The following LRRTM4 variants were observed in gnomAD, a reference collection of about 807,000 sequenced individuals.
LRRTM4 encodes the protein leucine-rich repeat transmembrane neuronal protein 4.
Under a neutral mutation model 47.6 loss-of-function variants are expected in LRRTM4, and 25 were observed. The observed-to-expected ratio is 0.53, with a 90% CI of 0.38 to 0.73. The LOEUF (loss-of-function observed/expected upper bound fraction) is 0.73. Ranked by LOEUF, LRRTM4 falls within the 30% of genes least tolerant of loss-of-function variation. The pLI is 0.00. For missense variants in LRRTM4, 638 were observed against 713.4 expected (o/e 0.89, Z 1.20); for synonymous variants, 311 against 269.5 (o/e 1.15, Z -1.51).
At chr2:76,973,618 C>G (rs1676296370) in intron 3 of LRRTM4, among the ~76,000 whole-genome samples, 1 of 151,816 alleles carries the variant, frequency 6.6e-6, no homozygotes, top group Admixed American at 6.6e-5. Flanking sequence ...CTGATGAGCT[C>G]TAATATATAC....
intron 3 of LRRTM4, among the ~76,000 whole-genome samples, chr2:76,857,828 T>G (rs1672200238): frequency 6.6e-6 from 1 of 152,194 alleles, no homozygotes; most frequent in Non-Finnish European, 1.5e-5. Context: ...AATAGGCATT[T>G]ACTTTAAGCA....
chr2:77,146,630 C>A (rs988535796), intron 3 of LRRTM4, among the ~76,000 whole-genome samples: 3 of 152,056 alleles, frequency 2.0e-5, no homozygotes, highest in African/African-American at 7.2e-5. Flanking sequence ...TTCCTATTTC[C>A]ATTAAAAGTC....
At chr2:76,814,562 A>G (rs1455578829) in intron 3 of LRRTM4, among the ~76,000 whole-genome samples, 1 of 152,170 alleles carries the variant, frequency 6.6e-6, no homozygotes, top group African/African-American at 2.4e-5. Context: ...AAAAGATACA[A>G]TATGACAAAT....
chr2:77,389,267 G>C (rs533794112), intron 3 of LRRTM4, among the ~76,000 whole-genome samples: 1 of 152,012 alleles, frequency 6.6e-6, no homozygotes, highest in African/African-American at 2.4e-5. Flanking sequence ...TAATTAAAAG[G>C]GCTGAAAACT....
intron 3 of LRRTM4, among the ~76,000 whole-genome samples, chr2:76,929,455 C>T (rs1674696527): frequency 1.3e-5 from 2 of 152,138 alleles, no homozygotes; most frequent in South Asian, 4.1e-4. Flanking sequence ...GAATATTTGT[C>T]CACCCATCGG....
chr2:76,842,618 C>T (rs1210043923), intron 3 of LRRTM4, among the ~76,000 whole-genome samples: 8 of 152,168 alleles, frequency 5.3e-5, no homozygotes, highest in Non-Finnish European at 1.2e-4. Context: ...GACTCACTCA[C>T]ATAATTTGTT....
At chr2:77,216,886 C>G (rs1674458062) in intron 3 of LRRTM4, among the ~76,000 whole-genome samples, 1 of 151,960 alleles carries the variant, frequency 6.6e-6, no homozygotes, top group South Asian at 2.1e-4. Flanking sequence ...TCCTGGCTAA[C>G]ACGGTGAAAC....
chr2:77,071,194 A>T (rs1489474255), intron 3 of LRRTM4, among the ~76,000 whole-genome samples: 3 of 152,212 alleles, frequency 2.0e-5, no homozygotes, highest in Non-Finnish European at 4.4e-5. Flanking sequence ...CGTAAAAATG[A>T]TACATAAAAT....
intron 3 of LRRTM4, among the ~76,000 whole-genome samples, chr2:77,224,774 C>G (rs1310592931): frequency 6.6e-6 from 1 of 152,110 alleles, no homozygotes; most frequent in Non-Finnish European, 1.5e-5. Flanking sequence ...GGACTGTAAA[C>G]TAGTTCAACC....
At chr2:76,773,275 A>G (rs553651594) in intron 3 of LRRTM4, among the ~76,000 whole-genome samples, 2 of 152,302 alleles carry the variant, frequency 1.3e-5, no homozygotes, top group East Asian at 3.9e-4. Flanking sequence ...CTCCACCATA[A>G]TGGCCTCCAG....
intron 3 of LRRTM4, among the ~76,000 whole-genome samples, chr2:77,030,397 C>A (rs747534565): frequency 6.6e-6 from 1 of 152,160 alleles, no homozygotes; most frequent in Non-Finnish European, 1.5e-5. Flanking sequence ...CATGCCACTG[C>A]ACTCCAGCCT....
intron 3 of LRRTM4, among the ~76,000 whole-genome samples, chr2:77,083,572 G>A (rs954697895): frequency 6.9e-4 from 105 of 152,100 alleles, no homozygotes; most frequent in Middle Eastern, 3.4e-3. Flanking sequence ...CAGATACTGT[G>A]TCTGAATATT....
At chr2:77,412,471 T>C (rs1232728430) in intron 3 of LRRTM4, among the ~76,000 whole-genome samples, 1 of 152,218 alleles carries the variant, frequency 6.6e-6, no homozygotes, top group Non-Finnish European at 1.5e-5. Context: ...AATCTTGGGA[T>C]AATGCCTTCT....
At chr2:76,952,468 G>T (rs748532808) in intron 3 of LRRTM4, among the ~76,000 whole-genome samples, 1 of 151,842 alleles carries the variant, frequency 6.6e-6, no homozygotes, top group Non-Finnish European at 1.5e-5. Context: ...TCAGAGAAAG[G>T]CAAGTCACAA....
intron 3 of LRRTM4, among the ~76,000 whole-genome samples, chr2:77,304,219 C>G (rs549388032): frequency 7.2e-5 from 11 of 152,210 alleles, no homozygotes; most frequent in Admixed American, 5.9e-4. Flanking sequence ...AGCACTTGTT[C>G]ATATACATGT....
chr2:76,797,486 A>T (rs930859445), intron 3 of LRRTM4, among the ~76,000 whole-genome samples: 2 of 152,130 alleles, frequency 1.3e-5, no homozygotes, highest in African/African-American at 2.4e-5. Context: ...GGAAAGGAAC[A>T]ACCGGTATCA....
intron 3 of LRRTM4, among the ~76,000 whole-genome samples, chr2:77,094,076 A>G (rs1448278670): frequency 2.6e-5 from 4 of 152,164 alleles, no homozygotes; most frequent in Non-Finnish European, 5.9e-5. Flanking sequence ...AACCCTAACA[A>G]CTTCACAGAA....
chr2:77,055,335 C>G (rs1295507162), intron 3 of LRRTM4, among the ~76,000 whole-genome samples: 5 of 152,198 alleles, frequency 3.3e-5, no homozygotes, highest in Non-Finnish European at 7.3e-5. Context: ...CTTGCTCTTT[C>G]TGGGCACACG....
At chr2:77,145,969 T>G (rs565508612) in intron 3 of LRRTM4, among the ~76,000 whole-genome samples, 1 of 152,302 alleles carries the variant, frequency 6.6e-6, no homozygotes, top group South Asian at 2.1e-4. Context: ...AACAGCTCAT[T>G]CAGTATGCCA....
Sources: gnomAD v4.1 joint callset for allele counts (sites outside exome capture counted in the v4.1 genomes callset) on GRCh38, gnomAD v4.1.1 for gene constraint, MANE v1.5 for transcripts, NCBI Gene and HGNC (gene_info 2026-07-23, HGNC 2026-07-21) for gene names.